Variants in NOP14 observed in about 807,000 individuals in gnomAD.
NOP14 encodes NOP14 nucleolar protein.
Under a neutral mutation model 101.6 loss-of-function variants are expected in NOP14, and 57 were observed. The observed-to-expected ratio is 0.56, with a 90% CI of 0.45 to 0.70. The LOEUF (loss-of-function observed/expected upper bound fraction) is 0.70. NOP14 is among the 30% of genes least tolerant of loss of function. The probability of loss-of-function intolerance (pLI) is 0.00; values close to 1 mark genes in which losing one functional copy is unlikely to be tolerated. For synonymous variants in NOP14, 428 were observed against 424.0 expected (o/e 1.01, Z -0.12); for missense variants, 1,134 against 1,075.5 (o/e 1.05, Z -0.76).
chr4:2,946,276 C>T (rs1028817784), intron 11 of NOP14, 136 bp downstream of exon 11: 3 of 955,956 alleles, frequency 3.1e-6, no homozygotes, highest in South Asian at 1.6e-5. Flanking sequence ...AGATCACCCT[C>T]GCTGCCGTGC....
rs571150987 is a variant in NOP14 at position 2,938,577 on chromosome 4, C to T, written c.*254G>A. 42 of 499,606 alleles carry T rather than the reference C, an allele frequency of 8.4e-5. No individual in the cohort carries two copies. The East Asian group carries it at 1.0e-3, about 12-fold the overall frequency. 30.9% of individuals were successfully genotyped at this position (499,606 alleles called of 1,614,324 possible). ...AGGCTGGAGTGCAGTGGCTCAATCA[C>T]GGCTCACTGTAACCTTGGACTCAGC... On this transcript the variant is annotated 3_prime_UTR_variant, in exon 18 of 18. Transcript: ENST00000416614.
rs1713946890 is a variant in NOP14, at chr4:2,939,301, C to G, written c.2361G>C (p.Gln787His). The G allele has an allele frequency of 2.5e-6, 4 of 1,614,068 alleles. No individual in the cohort carries two copies. The South Asian group carries it at 4.4e-5, about 18-fold the overall frequency. ...GTTTGTGGATCAGCCTCTTCCTTTCCTGTTCCTCCTTACTACTGCCTTGTT... is the reference window on the plus strand; with the variant it reads ...GTTTGTGGATCAGCCTCTTCCTTTCGTGTTCCTCCTTACTACTGCCTTGTT... The part of the protein sequence containing the change: ...GRKQGSSKEE[Q>H]ERKRLIHKHK... Residue 787 changes from glutamine to histidine, a missense_variant, in exon 17 of 18, where the codon CAG (glutamine) becomes CAC (histidine). Physicochemically the swap from Gln to His is conservative, Grantham distance 24. Transcript: ENST00000416614.
chr4:2,963,020 G>C, intron 1 of NOP14, 105 bp downstream of exon 1: 1 of 1,197,352 alleles, frequency 8.4e-7, no homozygotes, highest in Non-Finnish European at 1.1e-6. Flanking sequence ...GTCACGGCCT[G>C]TGCCGCTCAA....
At chr4:2,942,113 A>G (rs1714246212) in intron 14 of NOP14, 79 bp downstream of exon 14, 4 of 1,456,124 alleles carry the variant, frequency 2.7e-6, no homozygotes, top group South Asian at 1.3e-5. Context: ...AGAACAGCAC[A>G]TCAGAAAGCA....
chr4:2,946,643 C>T (rs967707240), intron 10 of NOP14, 96 bp from the exon 11 acceptor site: 3 of 1,114,302 alleles, frequency 2.7e-6, no homozygotes, highest in Admixed American at 1.9e-5. Flanking sequence ...CACCTGTTGA[C>T]TGAGCAAGTA....
chr4:2,950,991 TA>T (rs1283406445), intron 7 of NOP14, 122 bp downstream of exon 7: 1 of 921,262 alleles, frequency 1.1e-6, no homozygotes, highest in Non-Finnish European at 1.6e-6. Context: ...TAAAGAACTT[TA>T]GAGAAACTGG....
rs761974770 is a variant in NOP14, at chr4:2,944,201, A to G, written c.1763T>C (p.Val588Ala). The G allele has an allele frequency of 1.2e-6, 2 of 1,613,956 alleles. No individual in the cohort carries two copies. Among genetic ancestry groups the G allele is most frequent in the Non-Finnish European group, 1.7e-6 (2 of 1,179,954 alleles). ...TKCPILSLQD[V>A]VKGLFVCCLF... ...GCAGCACACGAACAGGCCCTTCACC[A>G]CGTCCTGGAGGGACAGGATGGGGCA... Residue 588 changes from valine (V) to alanine (A), a missense_variant, in exon 13 of 18, where the codon GTG becomes GCG. Val to Ala is a moderately conservative substitution (Grantham distance 64). Coordinates refer to ENST00000416614, the MANE Select transcript of NOP14 (RefSeq NM_001291978.2).
intron 16 of NOP14, 35 bp from the exon 17 acceptor site, chr4:2,939,378 G>C: frequency 1.9e-6 from 3 of 1,613,516 alleles, no homozygotes; most frequent in South Asian, 1.1e-5. Flanking sequence ...GGAAGCAAGA[G>C]TCTGTCCCCA....
In NOP14 at chr4:2,938,903, C is replaced by T. The variant is rs199637933; in HGVS notation, c.2502G>A (p.Lys834=). The change falls in exon 18 of 18, where the codon AAG becomes AAA. Residue 834 remains lysine, a synonymous_variant. Coordinates refer to ENST00000416614, the MANE Select transcript of NOP14 (RefSeq NM_001291978.2). The part of the protein sequence containing the change: ...ERDAERKRKV[K]QLFNSLATQE... ...GTGTAGCCAGGCTGTTAAAAAGCTGCTTTACTTTCCGCTTTCTTTCCGCAT... is the reference window on the plus strand; with the variant it reads ...GTGTAGCCAGGCTGTTAAAAAGCTGTTTTACTTTCCGCTTTCTTTCCGCAT... The T allele has an allele frequency of 1.9e-6, 3 of 1,614,184 alleles. No individual in the cohort carries two copies. The highest frequency in any genetic ancestry group is 2.5e-6 in the Non-Finnish European group (3 of 1,180,022).
intron 9 of NOP14, 125 bp downstream of exon 9, chr4:2,948,153 G>A: frequency 8.3e-7 from 1 of 1,209,550 alleles, no homozygotes; most frequent in African/African-American, 1.6e-5. Context: ...AGGTAACCAT[G>A]TGACGGGCTG....
In NOP14 at chr4:2,959,572, G is replaced by T. The variant is rs150854516; in HGVS notation, c.196-1832C>A. Among the ~76,000 whole-genome samples the T allele has an allele frequency of 7.8e-5, 11 of 141,300 alleles. No homozygotes were observed. The East Asian group carries it at 2.1e-3, about 28-fold the overall frequency. The allele number at this position is 141,300 out of a possible 152,430, so 92.7% of individuals were successfully genotyped here. A position where few individuals can be genotyped will look rare whatever the true frequency, so the allele number is the denominator to read the frequency against. ...TGTGCCACTGCACTCCAGCCTGGGC[G>T]ACAGACAAAGACTCTGTCTCAAAAA... On this transcript the variant is annotated intron_variant, in intron 1 of 17. Transcript: ENST00000416614.
intron 10 of NOP14, chr4:2,946,928 C>T (rs1040622502): frequency 2.3e-5 from 6 of 263,248 alleles, no homozygotes; most frequent in East Asian, 2.2e-4. Flanking sequence ...GAGCTCCGCG[C>T]GGCACAGGGC....
chr4:2,945,252 G>C (rs1405487770), intron 11 of NOP14, 23 bp from the exon 12 acceptor site: 9 of 1,520,016 alleles, frequency 5.9e-6, no homozygotes, highest in Non-Finnish European at 8.1e-6. Flanking sequence ...TGTTACCACA[G>C]GTTAAAGAAG....
chr4:2,942,446 A>C, intron 13 of NOP14, 95 bp from the exon 14 acceptor site: 1 of 1,211,268 alleles, frequency 8.3e-7, no homozygotes, highest in African/African-American at 1.5e-5. Flanking sequence ...TCACCCTCTA[A>C]CAGACGCACA....
intron 8 of NOP14, 62 bp downstream of exon 8, chr4:2,949,872 A>G (rs1714896444): frequency 6.3e-7 from 1 of 1,589,378 alleles, no homozygotes. Context: ...ACGAACACAC[A>G]CAGCTATGGC....
chr4:2,960,064 G>A (rs146131984), intron 1 of NOP14, among the ~76,000 whole-genome samples: 23 of 152,158 alleles, frequency 1.5e-4, no homozygotes, highest in Admixed American at 2.6e-4. Flanking sequence ...CCACCTGCCG[G>A]GTTCAAGCAA....
chr4:2,946,378 G>A, intron 11 of NOP14, 34 bp downstream of exon 11: 1 of 1,611,440 alleles, frequency 6.2e-7, no homozygotes, highest in Non-Finnish European at 8.5e-7. Context: ...GAACTTCTGT[G>A]GCAGGGGCAG....
At chr4:2,949,585 G>A (rs373261601) in intron 8 of NOP14, among the ~76,000 whole-genome samples, 8 of 152,178 alleles carry the variant, frequency 5.3e-5, no homozygotes, top group African/African-American at 1.9e-4. Context: ...AGGAGGCCCA[G>A]GTGGGAACAT....
At chr4:2,953,346 C>G (rs1354402845) in intron 5 of NOP14, among the ~76,000 whole-genome samples, 165 bp downstream of exon 5, 1 of 152,184 alleles carries the variant, frequency 6.6e-6, no homozygotes, top group East Asian at 1.9e-4. Context: ...GAATCTACTT[C>G]CACCCCAAGA....
Sources: allele counts gnomAD v4.1 joint callset (sites outside exome capture counted in the v4.1 genomes callset), GRCh38; gene constraint gnomAD v4.1.1; transcripts MANE v1.5; gene names NCBI Gene and HGNC (gene_info 2026-07-23, HGNC 2026-07-21).